DIPK1C: variants seen among roughly 807,000 people sequenced by gnomAD.
DIPK1C encodes the protein familial non-conventional Alzheimer's dementia.
A neutral mutation model predicts 28.0 loss-of-function variants in DIPK1C; 33 were observed. That is an observed-to-expected ratio of 1.18 (90% confidence interval 0.89 to 1.58). The LOEUF is 1.58. DIPK1C is among the 40% of genes most tolerant of loss of function. The pLI is 0.00. For missense variants in DIPK1C, 569 were observed against 568.5 expected (o/e 1.00, Z -0.01); for synonymous variants, 255 against 248.8 (o/e 1.02, Z -0.23).
At chr18:74,464,117 A>G in the DIPK1C span, among the ~76,000 whole-genome samples, 2 of 152,152 alleles carry the variant, frequency 1.3e-5, no homozygotes, top group Non-Finnish European at 2.9e-5. Flanking sequence ...TGCTGGTGTA[A>G]GACAGCACTG....
At chr18:74,440,856 T>C (rs1358442724) in intron 3 of DIPK1C, among the ~76,000 whole-genome samples, 1 of 152,222 alleles carries the variant, frequency 6.6e-6, no homozygotes, top group African/African-American at 2.4e-5. Flanking sequence ...ATCAAGGGTG[T>C]GAGTCCACAT....
chr18:74,455,437 TA>T (rs563284428), intron 1 of DIPK1C, among the ~76,000 whole-genome samples: 14 of 152,204 alleles, frequency 9.2e-5, no homozygotes, highest in African/African-American at 3.4e-4. Context: ...GAAAAATTTA[TA>T]AATGAAAAGG....
upstream of DIPK1C, among the ~76,000 whole-genome samples, chr18:74,462,335 A>G (rs1986630020): frequency 6.6e-6 from 1 of 152,214 alleles, no homozygotes; most frequent in Non-Finnish European, 1.5e-5. Context: ...AGAATCATAG[A>G]GCAGGCATCT....
At position 74,447,389 on chromosome 18, in the gene DIPK1C, G is replaced by A; in HGVS notation, c.199-106C>T. On this transcript the variant is annotated intron_variant, in intron 1 of 3. Coordinates refer to ENST00000343998, the MANE Select transcript of DIPK1C (RefSeq NM_001044369.3). The surrounding 1 kb of genome is among the most constrained non-coding windows in gnomAD (Gnocchi z 4.1). ...GCCTAGCCTCTGCCCTCAGGACGCT[G>A]ATAATCCAGCTGTGCAGAGAAACCT... 1.7e-6 allele frequency: 2 copies of A among 1,149,516 alleles called. No homozygotes were observed. The highest frequency in any genetic ancestry group is 3.2e-5 in the South Asian group (2 of 61,812). 71.2% of individuals were successfully genotyped at this position (1,149,516 alleles called of 1,614,324 possible).
At chr18:74,461,544 A>AT (rs1325311024), upstream of DIPK1C, among the ~76,000 whole-genome samples, 1 of 151,528 alleles carries the variant, frequency 6.6e-6, no homozygotes, top group Non-Finnish European at 1.5e-5. Context: ...TTAAAATTTT[A>AT]TTTTTTGTAG....
Position 74,436,544 on chromosome 18 carries a change from A to G in DIPK1C, c.1217T>C (p.Leu406Pro). Residue 406 changes from leucine to proline, a missense_variant, in exon 4 of 4, where the codon CTC becomes CCC. Physicochemically the swap from Leu to Pro is moderately conservative, Grantham distance 98. Transcript: ENST00000343998. ...ASSVFWKLRQ[L>P]LQATLRELQE... ...CAGCTCCCTCAGTGTGGCTTGGAGG[A>G]GTTGGCGAAGCTTCCAGAACACGCT... is the stretch of plus-strand genomic sequence containing the variant. 8 of 1,602,628 alleles carry G rather than the reference A, an allele frequency of 5.0e-6. No individual in the cohort carries two copies. Among genetic ancestry groups the G allele is most frequent in the Non-Finnish European group, 6.8e-6 (8 of 1,176,124 alleles).
chr18:74,462,246 C>G (rs1986628567), upstream of DIPK1C, among the ~76,000 whole-genome samples: 2 of 152,326 alleles, frequency 1.3e-5, no homozygotes, highest in Admixed American at 1.3e-4. Flanking sequence ...CTTGCATTCC[C>G]TCCATGCTCC....
intron 1 of DIPK1C, among the ~76,000 whole-genome samples, chr18:74,450,002 C>T (rs897954892): frequency 6.6e-6 from 1 of 152,072 alleles, no homozygotes; most frequent in East Asian, 1.9e-4. Context: ...CGGAGGAAAG[C>T]GGCAGCTGGT....
intron 2 of DIPK1C, among the ~76,000 whole-genome samples, chr18:74,442,636 C>T (rs554655297): frequency 1.3e-4 from 20 of 152,320 alleles, no homozygotes; most frequent in Admixed American, 6.5e-4. Flanking sequence ...GCCGCATTTT[C>T]TTTTACACAG....
intron 1 of DIPK1C, among the ~76,000 whole-genome samples, chr18:74,454,838 C>T (rs1050691143): frequency 8.2e-5 from 8 of 97,146 alleles, no homozygotes; most frequent in African/African-American, 3.2e-4. Context: ...GTGGATCTCG[C>T]ATCAACACAT....
rs1185252201 is a variant in DIPK1C, at chr18:74,457,149, C to G, written c.111G>C (p.Leu37=). 2 of 1,407,000 alleles carry G rather than the reference C, an allele frequency of 1.4e-6. No individual in the cohort carries two copies. Among genetic ancestry groups the G allele is most frequent in the African/African-American group, 3.0e-5 (2 of 66,234 alleles). 87.2% of individuals were successfully genotyped at this position (1,407,000 alleles called of 1,614,324 possible). ...AFAAWTAGWV[L]AAALLLRAHP... ...GCGCGCGGAGCAGCAGCGCGGCCGC[C>G]AGCACCCAGCCCGCGGTCCACGCGG... Residue 37 remains leucine (L), a synonymous_variant, in exon 1 of 4, where the codon CTG becomes CTC. Coordinates refer to ENST00000343998, the MANE Select transcript of DIPK1C (RefSeq NM_001044369.3).
At chr18:74,458,695 C>T (rs150223644), upstream of DIPK1C, among the ~76,000 whole-genome samples, 21 of 150,500 alleles carry the variant, frequency 1.4e-4, no homozygotes, top group African/African-American at 4.8e-4. Flanking sequence ...TGTGAAGCTT[C>T]CCCCCACCTC....
In DIPK1C at chr18:74,446,966, C is replaced by G. The variant is rs1158545919; in HGVS notation, c.516G>C (p.Trp172Cys). The stretch of plus-strand genomic sequence containing the variant: ...GCCAGCGTGGGCCCCGCCTGCCCGG[C>G]CACCACGGCCCCAGGCTGCTGTTGG... ...ELSNSSLGPW[W>C]PGRRGPRWRG... is the part of the protein sequence containing the mutation. Residue 172 changes from tryptophan to cysteine, a missense_variant, in exon 2 of 4, where the codon TGG becomes TGC. Physicochemically the swap from Trp to Cys is radical, Grantham distance 215. Coordinates refer to ENST00000343998, the MANE Select transcript of DIPK1C (RefSeq NM_001044369.3). 6.6e-7 allele frequency: 1 copy of G among 1,508,972 alleles called. No homozygotes were observed. Among genetic ancestry groups the G allele is most frequent in the African/African-American group, 1.4e-5 (1 of 72,190 alleles). The allele number at this position is 1,508,972 out of a possible 1,614,324, so 93.5% of individuals were successfully genotyped here.
At chr18:74,452,156 T>C (rs1409968472) in intron 1 of DIPK1C, among the ~76,000 whole-genome samples, 1 of 152,188 alleles carries the variant, frequency 6.6e-6, no homozygotes, top group Admixed American at 6.5e-5. Context: ...TTTCACCCTG[T>C]CATAAAGTTG....
chr18:74,441,993 C>T lies in DIPK1C; in HGVS notation c.1000G>A (p.Val334Ile). Residue 334 changes from valine to isoleucine, a missense_variant, in exon 3 of 4, where the codon GTC (valine) becomes ATC (isoleucine). Physicochemically the swap from Val to Ile is conservative, Grantham distance 29 (BLOSUM62 3). Transcript: ENST00000343998. ...ACGCGCTGCGCTCCGCATTTGTTGA[C>T]TCGTAAATCACATCTTGAAAAACAG... ...FDCFSRCDLR[V>I]NKCGAQRVNN... The T allele has an allele frequency of 6.2e-7, 1 of 1,614,176 alleles. No individual in the cohort carries two copies. Among genetic ancestry groups the T allele is most frequent in the South Asian group, 1.1e-5 (1 of 91,076 alleles).
chr18:74,458,548 C>A (rs560782641), upstream of DIPK1C, among the ~76,000 whole-genome samples: 108 of 141,484 alleles, frequency 7.6e-4, no homozygotes, highest in Non-Finnish European at 1.3e-3. Context: ...AAACCCTGAG[C>A]CCCAAGAAGC....
At chr18:74,453,015 T>C (rs1405537599) in intron 1 of DIPK1C, among the ~76,000 whole-genome samples, 1 of 152,212 alleles carries the variant, frequency 6.6e-6, no homozygotes, top group Non-Finnish European at 1.5e-5. Flanking sequence ...AACTCTAGTG[T>C]GCTTTTAAAA....
chr18:74,441,206 G>A (rs748354092), intron 3 of DIPK1C, among the ~76,000 whole-genome samples: 9 of 152,176 alleles, frequency 5.9e-5, no homozygotes, highest in African/African-American at 2.2e-4. Context: ...TAGGGGAGCG[G>A]GTTGGATAGT....
intron 2 of DIPK1C, 97 bp from the exon 3 acceptor site, chr18:74,442,213 A>G: frequency 2.1e-6 from 3 of 1,423,316 alleles, no homozygotes; most frequent in Non-Finnish European, 2.9e-6. Context: ...TGCGGGTGCC[A>G]CTGTCCAGGT....
Sources: gnomAD v4.1 joint callset for allele counts (sites outside exome capture counted in the v4.1 genomes callset) on GRCh38, gnomAD v4.1.1 for gene constraint, Gnocchi (gnomAD v3.1) non-coding constraint, MANE v1.5 for transcripts, NCBI Gene and HGNC (gene_info 2026-07-23, HGNC 2026-07-21) for gene names.